FANCD2: variants seen among roughly 807,000 people sequenced by gnomAD.
FANCD2 encodes Fanconi anemia group D2 protein.
FANCD2 carries 131 observed loss-of-function variants against 192.3 expected under a neutral mutation model. The ratio of observed to expected loss-of-function variants is 0.68; its 90% confidence interval spans 0.59 to 0.79. FANCD2 has a LOEUF of 0.79. Ranked by LOEUF, FANCD2 falls within the 30% of genes least tolerant of loss-of-function variation. FANCD2 has a pLI of 0.00. For synonymous variants in FANCD2, 524 were observed against 612.5 expected (o/e 0.86, Z 2.13); for missense variants, 1,508 against 1,701.6 (o/e 0.89, Z 2.00).
chr3:10,076,452 T>C (rs1292424212), intron 29 of FANCD2, among the ~76,000 whole-genome samples: 1 of 152,214 alleles, frequency 6.6e-6, no homozygotes, highest in Admixed American at 6.5e-5. Context: ...ATTTTACTAT[T>C]CTGAATATTT....
At chr3:10,042,238 C>T (rs1270915486) in intron 10 of FANCD2, among the ~76,000 whole-genome samples, 3 of 152,086 alleles carry the variant, frequency 2.0e-5, no homozygotes, top group Non-Finnish European at 2.9e-5. Context: ...TGGAAATCTT[C>T]CATGTTGTCT....
In FANCD2 at chr3:10,098,769, G is replaced by T; in HGVS notation, c.4235G>T (p.Ser1412Ile). The T allele has an allele frequency of 6.2e-7, 1 of 1,614,010 alleles. No individual in the cohort carries two copies. The highest frequency in any genetic ancestry group is 8.5e-7 in the Non-Finnish European group (1 of 1,179,966). ...TCCCAGGAGAGCACAGCAGATGAGA[G>T]TGAGGATGACATGTCATCCCAGGCC... Reference protein sequence around the residue: ...QNSQESTADESEDDMSSQASK... With the variant: ...QNSQESTADEIEDDMSSQASK... Residue 1412 changes from serine (S) to isoleucine (I), a missense_variant, in exon 43 of 44, where the codon AGT (serine) becomes ATT (isoleucine). By Grantham distance (142) the Ser-to-Ile change is moderately radical. Coordinates refer to ENST00000675286, the MANE Select transcript of FANCD2 (RefSeq NM_001018115.3).
chr3:10,058,876 C>T (rs1424332905), intron 18 of FANCD2, among the ~76,000 whole-genome samples: 1 of 152,134 alleles, frequency 6.6e-6, no homozygotes, highest in Non-Finnish European at 1.5e-5. Flanking sequence ...TTCTGCAAAA[C>T]ATGTTGTGGG....
chr3:10,063,928 T>C lies in FANCD2; in HGVS notation c.1947+17T>C. 6.2e-7 allele frequency: 1 copy of C among 1,614,256 alleles called. No homozygotes were observed. Among genetic ancestry groups the C allele is most frequent in the East Asian group, 2.2e-5 (1 of 44,890 alleles). On this transcript the variant is annotated intron_variant, in intron 21 of 43. Coordinates refer to ENST00000675286, the MANE Select transcript of FANCD2 (RefSeq NM_001018115.3). ...AAAGCCCTGGTAAAGCCAATTGTCT[T>C]TTCTTAAAGCAATAAAGCATGAGAG...
In FANCD2 at chr3:10,035,184, C is replaced by G. The variant is rs1398173220; in HGVS notation, c.389C>G (p.Ser130Cys). The change falls in exon 6 of 44, where the codon TCT (serine) becomes TGT (cysteine). Residue 130 changes from serine to cysteine, a missense_variant. By Grantham distance (112) the Ser-to-Cys change is moderately radical (BLOSUM62 -1). Around this residue, in one of 5 missense-constraint regions of FANCD2, gnomAD observed 435 missense variants for 421.9 expected, o/e 1.03. Coordinates refer to ENST00000675286, the MANE Select transcript of FANCD2 (RefSeq NM_001018115.3). ...TTTTTTTTTTACAGTATGGGTGCAT[C>G]TTATTCTAAGAGTCTCATCAAACTG... The part of the protein sequence containing the change: ...LQDEEASMGA[S>C]YSKSLIKLLL... 1 of 1,612,774 alleles carries G rather than the reference C, an allele frequency of 6.2e-7. No individual in the cohort carries two copies. The highest frequency in any genetic ancestry group is 1.3e-5 in the African/African-American group (1 of 74,836).
At chr3:10,034,975 T>C (rs1475172065) in intron 5 of FANCD2, among the ~76,000 whole-genome samples, 177 bp downstream of exon 5, 1 of 152,242 alleles carries the variant, frequency 6.6e-6, no homozygotes, top group South Asian at 2.1e-4. Flanking sequence ...TAACAATCAG[T>C]GTTTTACCTA....
chr3:10,060,734 T>C (rs1159728159), intron 19 of FANCD2, among the ~76,000 whole-genome samples: 1 of 152,230 alleles, frequency 6.6e-6, no homozygotes, highest in African/African-American at 2.4e-5. Context: ...CACTAGACAA[T>C]GCAGGTGTCT....
At chr3:10,096,638 C>T (rs1694983316) in intron 42 of FANCD2, among the ~76,000 whole-genome samples, 166 bp downstream of exon 42, 2 of 152,070 alleles carry the variant, frequency 1.3e-5, no homozygotes, top group South Asian at 4.1e-4. Context: ...TACTCATGGG[C>T]CCTGGTCACA....
At chr3:10,100,612 T>G (rs1347030920) in intron 43 of FANCD2, among the ~76,000 whole-genome samples, 2 of 152,310 alleles carry the variant, frequency 1.3e-5, no homozygotes, top group East Asian at 3.9e-4. Context: ...CCTCAGATGA[T>G]CTACCCACCT....
chr3:10,081,453 G>A lies in FANCD2; in HGVS notation c.3213G>A (p.Gly1071=), dbSNP rs2125060214. 6.2e-7 allele frequency: 1 copy of A among 1,611,408 alleles called. No individual in the cohort carries two copies. Among genetic ancestry groups the A allele is most frequent in the South Asian group, 1.1e-5 (1 of 91,028 alleles). ...AGAGGCTGCTGCAGATTTTTCATGGGCTTTTTGCTTGGTAAGTATGTGGGA... is the reference window on the plus strand; with the variant it reads ...AGAGGCTGCTGCAGATTTTTCATGGACTTTTTGCTTGGTAAGTATGTGGGA... ...CYQRLLQIFH[G]LFAWSGFSQP... Residue 1071 remains glycine (G), a synonymous_variant, in exon 32 of 44, where the codon GGG becomes GGA. Coordinates refer to ENST00000675286, the MANE Select transcript of FANCD2 (RefSeq NM_001018115.3).
intron 7 of FANCD2, among the ~76,000 whole-genome samples, chr3:10,039,071 C>T (rs970989966): frequency 2.6e-5 from 4 of 152,200 alleles, no homozygotes; most frequent in Non-Finnish European, 5.9e-5. Flanking sequence ...TCATATTTAG[C>T]ATGTCTTCTA....
chr3:10,066,724 C>CTTTGTTT (rs879529408), intron 25 of FANCD2, among the ~76,000 whole-genome samples: 2 of 152,010 alleles, frequency 1.3e-5, no homozygotes, highest in Admixed American at 6.6e-5. Flanking sequence ...GCCTAATCTC[C>CTTTGTTT]TTTGTTTTTT....
intron 10 of FANCD2, among the ~76,000 whole-genome samples, chr3:10,042,143 C>T (rs760427946): frequency 3.3e-5 from 5 of 152,054 alleles, no homozygotes; most frequent in South Asian, 2.1e-4. Flanking sequence ...TTTTCCACCC[C>T]CCTCGGCCTC....
Position 10,032,844 on chromosome 3 carries a change from A to C in FANCD2, c.77A>C (p.Gln26Pro). The C allele has an allele frequency of 1.2e-6, 2 of 1,613,166 alleles. No individual in the cohort carries two copies. Among genetic ancestry groups the C allele is most frequent in the Non-Finnish European group, 8.5e-7 (1 of 1,179,458 alleles). The change falls in exon 3 of 44, where the codon CAA becomes CCA. Residue 26 changes from glutamine (Q) to proline (P), a missense_variant. Physicochemically the swap from Gln to Pro is moderately conservative, Grantham distance 76. Transcript: ENST00000675286. ...TTTCTATTTTCAGAAACCAGGAAGC[A>C]ACCACTTTCCAAAAAGACAAAGAAA... The part of the protein sequence containing the change: ...LTEDASKTRK[Q>P]PLSKKTKKSH...
chr3:10,085,774 A>G (rs756129956), intron 32 of FANCD2, 38 bp from the exon 33 acceptor site: 1 of 1,362,946 alleles, frequency 7.3e-7, no homozygotes, highest in South Asian at 1.2e-5. Flanking sequence ...GTAGTTTTCC[A>G]GAAACTAAGC....
In FANCD2 at chr3:10,100,350, T is replaced by C. The variant is rs575817490; in HGVS notation, c.4282-838T>C. ...AGCCAGACAGAACAGAATTTTGTAC[T>C]GGATTCCTGTTGAGATACACCAGCA... On this transcript the variant is annotated intron_variant, in intron 43 of 43. Transcript: ENST00000675286. Among the ~76,000 whole-genome samples, 257 of 152,336 alleles carry C rather than the reference T, an allele frequency of 1.7e-3. 1 individual carries two copies. The highest frequency in any genetic ancestry group is 2.8e-3 in the Non-Finnish European group (190 of 68,030).
chr3:10,037,072 C>T (rs2086750405), intron 7 of FANCD2, among the ~76,000 whole-genome samples: 6 of 151,144 alleles, frequency 4.0e-5, no homozygotes, highest in Admixed American at 4.0e-4. Flanking sequence ...CTCAAAACTT[C>T]CAGGCTCAAG....
intron 28 of FANCD2, 40 bp downstream of exon 28, chr3:10,073,402 C>T (rs1453336209): frequency 2.9e-6 from 4 of 1,382,624 alleles, no homozygotes; most frequent in Non-Finnish European, 4.1e-6. Context: ...TTGTGACATC[C>T]CAGTGAGATT....
chr3:10,032,988 A>C lies in FANCD2; in HGVS notation c.205+16A>C. 1 of 1,535,426 alleles carries C rather than the reference A, an allele frequency of 6.5e-7. No homozygotes were observed. Among genetic ancestry groups the C allele is most frequent in the South Asian group, 1.1e-5 (1 of 89,138 alleles). The stretch of plus-strand genomic sequence containing the variant: ...AATCAACTAGGTAATATTTTAATCT[A>C]ATTTTATTCTCTGGGTTTAATGAAA... On this transcript the variant is annotated intron_variant, in intron 3 of 43. Transcript: ENST00000675286.
Sources: gnomAD v4.1 joint callset for allele counts (sites outside exome capture counted in the v4.1 genomes callset) on GRCh38, gnomAD v4.1.1 for gene constraint, gnomAD v4.1.1 regional missense constraint, MANE v1.5 for transcripts, NCBI Gene and HGNC (gene_info 2026-07-23, HGNC 2026-07-21) for gene names.